TTLL5: variants seen among roughly 807,000 people sequenced by gnomAD.
TTLL5 encodes the protein tubulin tyrosine ligase like 5.
TTLL5 carries 132 observed loss-of-function variants against 168.4 expected under a neutral mutation model. The observed-to-expected ratio is 0.78, with a 90% CI of 0.68 to 0.91. The LOEUF (loss-of-function observed/expected upper bound fraction) is 0.91, where lower values mean the gene tolerates loss of function less well. Among genes scored for constraint, TTLL5 ranks in the 40% least tolerant of loss-of-function variants. TTLL5 has a pLI of 0.00. For synonymous variants in TTLL5, 546 were observed against 558.6 expected (o/e 0.98, Z 0.32); for missense variants, 1,545 against 1,581.5 (o/e 0.98, Z 0.39).
chr14:75,848,257 T>G (rs1394732182), intron 28 of TTLL5, among the ~76,000 whole-genome samples: 1 of 151,964 alleles, frequency 6.6e-6, no homozygotes, highest in Non-Finnish European at 1.5e-5. Context: ...AATTCTAAAT[T>G]TGTGACACTT....
At chr14:75,860,082 G>A (rs1331318829) in intron 28 of TTLL5, among the ~76,000 whole-genome samples, 1 of 152,208 alleles carries the variant, frequency 6.6e-6, no homozygotes, top group Non-Finnish European at 1.5e-5. Flanking sequence ...TTATGTTACT[G>A]AGGAGATTAA....
chr14:75,719,660 G>C, intron 10 of TTLL5, 75 bp from the exon 11 acceptor site: 1 of 1,285,758 alleles, frequency 7.8e-7, no homozygotes, highest in Non-Finnish European at 1.1e-6. Flanking sequence ...AGACAAGAAG[G>C]CTATTTGCAA....
intron 30 of TTLL5, among the ~76,000 whole-genome samples, chr14:75,894,414 G>A (rs181287901): frequency 4.5e-4 from 68 of 152,166 alleles, no homozygotes; most frequent in Non-Finnish European, 7.4e-4. Context: ...TTAGCTGGGC[G>A]TTATGGCGCA....
intron 31 of TTLL5, among the ~76,000 whole-genome samples, chr14:75,924,136 CCTT>C (rs2033923783): frequency 6.6e-6 from 1 of 151,078 alleles, no homozygotes; most frequent in Non-Finnish European, 1.5e-5. Flanking sequence ...AGATGGGTCT[CCTT>C]AATACAGCAC....
At chr14:75,718,113 G>A in intron 10 of TTLL5, 151 bp downstream of exon 10, 1 of 675,156 alleles carries the variant, frequency 1.5e-6, no homozygotes, top group Non-Finnish European at 2.6e-6. Context: ...TAACAGTGTT[G>A]AGGCATATCT....
intron 28 of TTLL5, among the ~76,000 whole-genome samples, chr14:75,857,393 A>ATAGATAGATAGT (rs879903342): frequency 9.9e-4 from 151 of 151,830 alleles, no homozygotes; most frequent in Non-Finnish European, 1.9e-3. Flanking sequence ...AGATAGATAG[A>ATAGATAGATAGT]TAGATAGATA....
At chr14:75,735,963 T>TA (rs1163359163) in intron 15 of TTLL5, among the ~76,000 whole-genome samples, 8 of 151,786 alleles carry the variant, frequency 5.3e-5, no homozygotes, top group South Asian at 2.1e-4. Flanking sequence ...TCTTCTTATT[T>TA]AAAAAAAAAT....
In TTLL5 at chr14:75,882,726, G is replaced by A. The variant is rs976175960; in HGVS notation, c.3564G>A (p.Trp1188Ter). The A allele has an allele frequency of 6.2e-7, 1 of 1,613,724 alleles. No homozygotes were observed. The highest frequency in any genetic ancestry group is 1.7e-5 in the Admixed American group (1 of 59,960). ...GSQTLPNSNL[W>*]TMNNGAGCRI... ...AGACACTACCTAACTCCAATTTATG[G>A]ACAATGAATAATGGTGCAGGTTGTA... Residue 1188 changes from tryptophan (W) to a stop codon, truncating the protein, a stop_gained, in exon 30 of 32, where the codon TGG (tryptophan) becomes TGA (stop). Coordinates refer to ENST00000298832, the MANE Select transcript of TTLL5 (RefSeq NM_015072.5). LOFTEE classifies it high-confidence loss of function.
In TTLL5 at chr14:75,948,801, C is replaced by T. The variant is rs2034860432; in HGVS notation, c.3824-5623C>T. Among the ~76,000 whole-genome samples the T allele has an allele frequency of 2.0e-5, 3 of 152,238 alleles. No homozygotes were observed. The East Asian group carries it at 5.8e-4, about 29-fold the overall frequency. The stretch of plus-strand genomic sequence containing the variant: ...GATTGTAGGAAGATACTGTGAATAA[C>T]TTTATGATGACATGCTGATATATTT... On this transcript the variant is annotated intron_variant, in intron 31 of 31. Transcript: ENST00000298832.
At chr14:75,855,758 A>G (rs1897097124) in intron 28 of TTLL5, among the ~76,000 whole-genome samples, 1 of 152,230 alleles carries the variant, frequency 6.6e-6, no homozygotes. Flanking sequence ...CCCACGGAGG[A>G]GAAGAAAGAA....
At chr14:75,821,974 C>T (rs981002978) in intron 28 of TTLL5, among the ~76,000 whole-genome samples, 7 of 152,146 alleles carry the variant, frequency 4.6e-5, no homozygotes, top group African/African-American at 1.7e-4. Flanking sequence ...TCCTCTACCC[C>T]CAGGTGACCT....
At chr14:75,921,067 G>A (rs969487097) in intron 31 of TTLL5, among the ~76,000 whole-genome samples, 1 of 152,028 alleles carries the variant, frequency 6.6e-6, no homozygotes, top group African/African-American at 2.4e-5. Context: ...CTTTTTGATG[G>A]GGTTGTTTGT....
chr14:75,663,944 C>T (rs984739189), intron 2 of TTLL5, among the ~76,000 whole-genome samples: 18 of 151,936 alleles, frequency 1.2e-4, no homozygotes, highest in African/African-American at 3.9e-4. Context: ...ATTAGCTGGG[C>T]GTGATGGTGG....
chr14:75,818,631 G>C (rs1894633670), intron 27 of TTLL5: 2 of 194,056 alleles, frequency 1.0e-5, no homozygotes, highest in Non-Finnish European at 2.1e-5. Context: ...GGGACTACAG[G>C]TGCCTGCCAC....
At position 75,714,359 on chromosome 14, in the gene TTLL5, T is replaced by A. The variant is rs542993285; in HGVS notation, c.741-3502T>A. 2.0e-5 allele frequency among the ~76,000 whole-genome samples: 3 copies of A among 152,326 alleles called. No homozygotes were observed. In the East Asian group the frequency reaches 5.8e-4, roughly 29 times the overall value. On this transcript the variant is annotated intron_variant, in intron 9 of 31. Transcript: ENST00000298832. ...GTATTTTATAAGGAGATACTTTAAA[T>A]CATGTAAAATTTCATTCTTCATCTC...
At chr14:75,677,418 C>T (rs1884257341) in intron 3 of TTLL5, among the ~76,000 whole-genome samples, 2 of 104,314 alleles carry the variant, frequency 1.9e-5, no homozygotes, top group South Asian at 3.2e-4. Flanking sequence ...TTTTTTGAGA[C>T]AGGGTCTCAC....
At chr14:75,747,418 T>A (rs1187210742) in intron 17 of TTLL5, among the ~76,000 whole-genome samples, 1 of 152,172 alleles carries the variant, frequency 6.6e-6, no homozygotes, top group Non-Finnish European at 1.5e-5. Flanking sequence ...TCCTCATGTT[T>A]ATGGGTCACA....
At position 75,770,179 on chromosome 14, in the gene TTLL5, G is replaced by GAAAA. The variant is rs56876692; in HGVS notation, c.2016-1539_2016-1536dup. On this transcript the variant is annotated intron_variant, in intron 20 of 31. Transcript: ENST00000298832. ...GGTGACAAGAGCAAAACTCTGTCTC[G>GAAAA]AAAAAAAAAAAAAAAAAAAGAAAAT... 2.2e-3 allele frequency among the ~76,000 whole-genome samples: 187 copies of GAAAA among 84,926 alleles called. 3 individuals carry two copies. Among genetic ancestry groups the GAAAA allele is most frequent in the South Asian group, 4.1e-3 (9 of 2,178 alleles). 55.7% of individuals were successfully genotyped at this position (84,926 alleles called of 152,430 possible).
chr14:75,857,609 G>A (rs1897197824), intron 28 of TTLL5, among the ~76,000 whole-genome samples: 1 of 151,502 alleles, frequency 6.6e-6, no homozygotes. Flanking sequence ...GTTTGTGAAA[G>A]GATGGAATTA....
Sources: allele counts gnomAD v4.1 joint callset (sites outside exome capture counted in the v4.1 genomes callset), GRCh38; gene constraint gnomAD v4.1.1; transcripts MANE v1.5; gene names NCBI Gene and HGNC (gene_info 2026-07-23, HGNC 2026-07-21).